Variants in ZNF337 observed in about 807,000 individuals in gnomAD.
ZNF337 encodes zinc finger protein 337.
Under a neutral mutation model 12.1 loss-of-function variants are expected in ZNF337, and 8 were observed. The ratio of observed to expected loss-of-function variants is 0.66; its 90% CI spans 0.39 to 1.19. ZNF337 has a LOEUF of 1.19. ZNF337 is among the 50% of genes most tolerant of loss of function. The probability of loss-of-function intolerance (pLI) is 0.01; values close to 1 mark genes in which losing one functional copy is unlikely to be tolerated. For missense variants in ZNF337, 882 were observed against 896.6 expected (o/e 0.98, Z 0.21); for synonymous variants, 336 against 320.0 (o/e 1.05, Z -0.53).
intron 1 of ZNF337, among the ~76,000 whole-genome samples, chr20:25,690,988 G>A (rs184531840): frequency 2.6e-5 from 4 of 152,146 alleles, no homozygotes; most frequent in East Asian, 3.9e-4. Context: ...ATAAAGTGAC[G>A]GAAACCTTCC....
Position 25,676,332 on chromosome 20 carries a change from G to T in ZNF337, c.956C>A (p.Pro319His), listed in dbSNP as rs1413799776. 83 of 1,614,024 alleles carry T rather than the reference G, an allele frequency of 5.1e-5. 1 individual carries two copies. The highest frequency in any genetic ancestry group is 6.8e-5 in the Non-Finnish European group (80 of 1,180,020). The change falls in exon 5 of 5, where the codon CCT (proline) becomes CAT (histidine). Residue 319 changes from proline to histidine, a missense_variant. Transcript: ENST00000252979. Reference protein sequence around the residue: ...KHLKAHSGEKPFVCKECGRGY... With the variant: ...KHLKAHSGEKHFVCKECGRGY... ...TCGCCCACACTCCTTGCACACAAAAGGCTTCTCCCCTGAATGCGCCTTCAA... is the reference window on the plus strand; with the variant it reads ...TCGCCCACACTCCTTGCACACAAAATGCTTCTCCCCTGAATGCGCCTTCAA...
In ZNF337 at chr20:25,675,986, A is replaced by G; in HGVS notation, c.1302T>C (p.Cys434=). 2.5e-6 allele frequency: 4 copies of G among 1,613,274 alleles called. No homozygotes were observed. The highest frequency in any genetic ancestry group is 4.5e-5 in the East Asian group (2 of 44,754). ...RTHSGEKPFV[C]RECGQGFIQK... Reference sequence around the variant, plus strand: ...GAATAAATCCTTGCCCACATTCTCTACAAACAAAAGGTTTCTCCCCTGAGT... The same window carrying G: ...GAATAAATCCTTGCCCACATTCTCTGCAAACAAAAGGTTTCTCCCCTGAGT... The change falls in exon 5 of 5, where the codon TGT becomes TGC. Residue 434 remains cysteine (C), a synonymous_variant. Transcript: ENST00000252979.
intron 1 of ZNF337, among the ~76,000 whole-genome samples, chr20:25,692,704 C>T (rs1300412979): frequency 6.6e-6 from 1 of 152,142 alleles, no homozygotes; most frequent in African/African-American, 2.4e-5. Flanking sequence ...CTGTTGCCAT[C>T]TGTGGGAGTT....
chr20:25,684,379 TA>T (rs1311472886), intron 4 of ZNF337, among the ~76,000 whole-genome samples: 5 of 151,288 alleles, frequency 3.3e-5, no homozygotes, highest in South Asian at 2.1e-4. Flanking sequence ...TAAAAAATAT[TA>T]AAAAAAATTA....
chr20:25,683,737 A>T lies in ZNF337; in HGVS notation c.250+1830T>A, dbSNP rs575048184. 9.9e-4 allele frequency among the ~76,000 whole-genome samples: 150 copies of T among 152,248 alleles called. 1 individual carries two copies. Among genetic ancestry groups the T allele is most frequent in the African/African-American group, 3.5e-3 (146 of 41,552 alleles). On this transcript the variant is annotated intron_variant, in intron 4 of 4. Coordinates refer to ENST00000252979, the MANE Select transcript of ZNF337 (RefSeq NM_015655.4). ...GGAGAGGATGTGGAGAAATAGGAAC[A>T]CTTTTACACTGTTGGTGGGACTGTA...
chr20:25,696,072 G>A (rs188056449), intron 1 of ZNF337, among the ~76,000 whole-genome samples: 2,276 of 130,444 alleles, frequency 0.017, 85 homozygotes, highest in African/African-American at 0.064. Context: ...TCCCGCGGAC[G>A]CTGCCCCACG....
Position 25,673,263 on chromosome 20 carries a change from A to T in ZNF337, c.*1769T>A, listed in dbSNP as rs1011638493. 6.6e-6 allele frequency among the ~76,000 whole-genome samples: 1 copy of T among 152,150 alleles called. No homozygotes were observed. The highest frequency in any genetic ancestry group is 1.5e-5 in the Non-Finnish European group (1 of 68,038). The stretch of plus-strand genomic sequence containing the variant: ...TGGTGAACCCACAATGTGCAGTGAA[A>T]CTCAAAATGAGTATGAGGAAAGTTA... On this transcript the variant is annotated 3_prime_UTR_variant, in exon 5 of 5. Transcript: ENST00000252979.
chr20:25,690,142 T>A (rs994930067), intron 1 of ZNF337, among the ~76,000 whole-genome samples: 1 of 152,128 alleles, frequency 6.6e-6, no homozygotes, highest in Non-Finnish European at 1.5e-5. Context: ...AAACATTAGC[T>A]GGATGTGGTG....
At position 25,675,682 on chromosome 20, in the gene ZNF337, T is replaced by G. The variant is rs2065673575; in HGVS notation, c.1606A>C (p.Arg536=). The G allele has an allele frequency of 6.2e-7, 1 of 1,614,086 alleles. No homozygotes were observed. The highest frequency in any genetic ancestry group is 8.5e-7 in the Non-Finnish European group (1 of 1,180,042). ...TLKPNLTIHQ[R]THSGEKPFMC... ...AAGGGCTTCTCTCCTGAGTGTGTCC[T>G]CTGATGTATGGTGAGATTTGGCTTC... Residue 536 remains arginine, a synonymous_variant, in exon 5 of 5, where the codon AGG becomes CGG. Coordinates refer to ENST00000252979, the MANE Select transcript of ZNF337 (RefSeq NM_015655.4).
rs2065926131 is a variant in ZNF337, at chr20:25,696,159, A to G, written c.-50+600T>C. 3.1e-5 allele frequency among the ~76,000 whole-genome samples: 4 copies of G among 127,058 alleles called. No individual in the cohort carries two copies. The South Asian group carries it at 1.0e-3, about 33-fold the overall frequency. 83.4% of individuals were successfully genotyped at this position (127,058 alleles called of 152,430 possible). Reference sequence around the variant, plus strand: ...ACATTTGGTCCCGGCCTACACTCCTATCCGCGGAAGATCGTCCCAAGGCGG... The same window carrying G: ...ACATTTGGTCCCGGCCTACACTCCTGTCCGCGGAAGATCGTCCCAAGGCGG... On this transcript the variant is annotated intron_variant, in intron 1 of 4. Coordinates refer to ENST00000252979, the MANE Select transcript of ZNF337 (RefSeq NM_015655.4).
Position 25,673,670 on chromosome 20 carries a change from T to C in ZNF337, c.*1362A>G, listed in dbSNP as rs540734623. On this transcript the variant is annotated 3_prime_UTR_variant, in exon 5 of 5. Coordinates refer to ENST00000252979, the MANE Select transcript of ZNF337 (RefSeq NM_015655.4). ...TGCTACAGGCCTTCAGCCCACATAT[T>C]TGGGCAATAATTCTGCCTTCTATCC... Among the ~76,000 whole-genome samples the C allele has an allele frequency of 5.5e-4, 84 of 152,326 alleles. 2 individuals carry two copies. In the South Asian group the frequency reaches 0.015, roughly 27 times the overall value.
chr20:25,695,227 C>T (rs926072277), intron 1 of ZNF337, among the ~76,000 whole-genome samples: 9 of 152,092 alleles, frequency 5.9e-5, no homozygotes, highest in Admixed American at 5.2e-4. Context: ...GCTGAGATCA[C>T]GCCACTGCAC....
At position 25,685,637 on chromosome 20, in the gene ZNF337, G is replaced by A. The variant is rs1158132059; in HGVS notation, c.180C>T (p.Leu60=). The change falls in exon 4 of 5, where the codon CTC becomes CTT. Residue 60 remains leucine, a synonymous_variant. Transcript: ENST00000252979. ...SLGILHSKPE[L]IRRLEQGEVP... The stretch of plus-strand genomic sequence containing the variant: ...CTTCCCCTTGCTCTAGCCGCCTGAT[G>A]AGTTCTGGTTTAGAATGGAGAATTC... The A allele has an allele frequency of 6.2e-7, 1 of 1,614,164 alleles. No homozygotes were observed. Among genetic ancestry groups the A allele is most frequent in the Admixed American group, 1.7e-5 (1 of 60,026 alleles).
intron 4 of ZNF337, among the ~76,000 whole-genome samples, chr20:25,679,607 G>A (rs78487259): frequency 6.6e-6 from 1 of 151,966 alleles, no homozygotes; most frequent in Non-Finnish European, 1.5e-5. Flanking sequence ...ATCACACTGA[G>A]AGATCCTCTT....
rs1600426765 is a variant in ZNF337 at position 25,675,038 on chromosome 20, T to G, written c.2250A>C (p.Ser750=). ...RFCTGSVGEA[S]S is the part of the protein sequence containing the mutation. ...TGGATGGTGAGATATAACTTCAAGA[T>G]GAAGCCTCACCCACACTCCCTGTAC... The change falls in exon 5 of 5, where the codon TCA becomes TCC. Residue 750 remains serine, a synonymous_variant. Transcript: ENST00000252979. The G allele has an allele frequency of 3.1e-6, 5 of 1,612,174 alleles. No homozygotes were observed. In the South Asian group the frequency reaches 5.5e-5, roughly 18 times the overall value.
intron 1 of ZNF337, among the ~76,000 whole-genome samples, chr20:25,689,105 C>A (rs1164858090): frequency 1.4e-5 from 2 of 147,962 alleles, no homozygotes; most frequent in Non-Finnish European, 3.0e-5. Context: ...CCACTGCGCT[C>A]CAGCCTGAGC....
chr20:25,674,769 G>T lies in ZNF337; in HGVS notation c.*263C>A. ...TGGCACAAATACAACAAGAATATGT[G>T]CTCAGTAGGAAAGAGACCACATTTC... is the stretch of plus-strand genomic sequence containing the variant. On this transcript the variant is annotated 3_prime_UTR_variant, in exon 5 of 5. Transcript: ENST00000252979. 2.0e-6 allele frequency: 1 copy of T among 510,314 alleles called. No homozygotes were observed. The highest frequency in any genetic ancestry group is 2.5e-5 in the South Asian group (1 of 39,378). 31.6% of individuals were successfully genotyped at this position (510,314 alleles called of 1,614,324 possible). A position where few individuals can be genotyped will look rare whatever the true frequency, so the allele number is the denominator to read the frequency against.
chr20:25,688,905 T>G (rs1005033636), intron 1 of ZNF337, among the ~76,000 whole-genome samples: 3 of 151,912 alleles, frequency 2.0e-5, no homozygotes, highest in Admixed American at 6.6e-5. Context: ...GAGGCGGGCC[T>G]CCTCCTCGTG....
At chr20:25,696,391 C>G (rs1478823136) in intron 1 of ZNF337, among the ~76,000 whole-genome samples, 1 of 152,180 alleles carries the variant, frequency 6.6e-6, no homozygotes. Flanking sequence ...CCAAAAGACC[C>G]CCGTGGCAGC....
Sources: allele counts gnomAD v4.1 joint callset (sites outside exome capture counted in the v4.1 genomes callset), GRCh38; gene constraint gnomAD v4.1.1; transcripts MANE v1.5; gene names NCBI Gene and HGNC (gene_info 2026-07-23, HGNC 2026-07-21).